PLA2G4C: variants seen among roughly 807,000 people sequenced by gnomAD.
PLA2G4C encodes cytosolic phospholipase A2 gamma.
Under a neutral mutation model 73.8 loss-of-function variants are expected in PLA2G4C, and 64 were observed. That is an observed-to-expected ratio of 0.87 (90% CI 0.71 to 1.07). The LOEUF (loss-of-function observed/expected upper bound fraction) is 1.07. Ranked by LOEUF, PLA2G4C falls within the 50% of genes least tolerant of loss-of-function variation. The pLI, the probability that PLA2G4C is intolerant of heterozygous loss-of-function variation, is 0.00. For synonymous variants in PLA2G4C, 254 were observed against 252.1 expected, an observed-to-expected ratio of 1.01 and a Z score of -0.07; for missense variants, 622 against 665.4, an observed-to-expected ratio of 0.93 and a Z score of 0.72.
Position 48,110,531 on chromosome 19 carries a change from T to TGCTCCGAAATCCGGTGCGGAGGCTTGG in PLA2G4C, c.-78_-77insCCAAGCCTCCGCACCGGATTTCGGAGC. The TGCTCCGAAATCCGGTGCGGAGGCTTGG allele has an allele frequency of 2.2e-6, 3 of 1,386,156 alleles. No individual in the cohort carries two copies. Among genetic ancestry groups the TGCTCCGAAATCCGGTGCGGAGGCTTGG allele is most frequent in the Non-Finnish European group, 2.9e-6 (3 of 1,049,482 alleles). 85.9% of individuals were successfully genotyped at this position (1,386,156 alleles called of 1,614,324 possible). A position where few individuals can be genotyped will look rare whatever the true frequency, so the allele number is the denominator to read the frequency against. ...GTGTGCGCATGCGCGGTGGAGCTTG[T>TGCTCCGAAATCCGGTGCGGAGGCTTGG]GCTCCGGAATCCGGTGCGGAGGCTT... On this transcript the variant is annotated 5_prime_UTR_variant, in exon 1 of 17. Coordinates refer to ENST00000599921, the MANE Select transcript of PLA2G4C (RefSeq NM_003706.3).
At position 48,072,314 on chromosome 19, in the gene PLA2G4C, C is replaced by T. The variant is rs1968692644; in HGVS notation, c.1006+2453G>A. 1 of 152,260 alleles carries T rather than the reference C, an allele frequency of 6.6e-6. No individual in the cohort carries two copies. Among genetic ancestry groups the T allele is most frequent in the Non-Finnish European group, 1.5e-5 (1 of 68,154 alleles). The allele number at this position is 152,260 out of a possible 1,614,324, so 9.4% of individuals were successfully genotyped here. A position where few individuals can be genotyped will look rare whatever the true frequency, so the allele number is the denominator to read the frequency against. On this transcript the variant is annotated intron_variant, in intron 12 of 16. Transcript: ENST00000599921. The surrounding 1 kb of genome is among the most constrained non-coding windows in gnomAD (Gnocchi z 4.4). ...CTCCCACCTCAGCCTCCCCGAATAG[C>T]TGGGACTACAGGTGCACGCACCACC...
intron 1 of PLA2G4C, among the ~76,000 whole-genome samples, chr19:48,108,373 C>T (rs1057297587): frequency 2.0e-5 from 3 of 152,130 alleles, no homozygotes; most frequent in Non-Finnish European, 4.4e-5. Flanking sequence ...CGGGCTCATG[C>T]AATCCTCCTG....
At chr19:48,068,855 G>C (rs1968550866) in intron 12 of PLA2G4C, among the ~76,000 whole-genome samples, 1 of 152,008 alleles carries the variant, frequency 6.6e-6, no homozygotes, top group Non-Finnish European at 1.5e-5. Flanking sequence ...GCCATGGAGA[G>C]AGGCCTCAGG....
In PLA2G4C at chr19:48,104,744, T is replaced by C. The variant is rs1490578886; in HGVS notation, c.121-20A>G. ...TGGGGCCTAGGCATTGGGGAGAAAA[T>C]CGATCAGAGGTTTAGAGCCTGAGGA... On this transcript the variant is annotated intron_variant, in intron 3 of 16. Coordinates refer to ENST00000599921, the MANE Select transcript of PLA2G4C (RefSeq NM_003706.3). 5 of 1,612,572 alleles carry C rather than the reference T, an allele frequency of 3.1e-6. No homozygotes were observed. The African/African-American group carries it at 6.7e-5, about 22-fold the overall frequency.
rs148819322 is a variant in PLA2G4C at position 48,061,814 on chromosome 19, G to A, written c.1257+184C>T. On this transcript the variant is annotated intron_variant, in intron 14 of 16. Transcript: ENST00000599921. ...TGGGATGGCTTTGGATCAGAAGTTC[G>A]TTGGATGTGGCCGACCGCGGGTGCT... The A allele has an allele frequency of 3.8e-4, 239 of 635,168 alleles. 1 individual carries two copies. The African/African-American group carries it at 3.8e-3, about 10-fold the overall frequency. The allele number at this position is 635,168 out of a possible 1,614,324, so 39.3% of individuals were successfully genotyped here.
At chr19:48,085,502 G>A (rs1242264151) in intron 9 of PLA2G4C, among the ~76,000 whole-genome samples, 4 of 152,150 alleles carry the variant, frequency 2.6e-5, no homozygotes, top group Non-Finnish European at 1.5e-5. Flanking sequence ...CAGATTTATG[G>A]GGGCACTTCT....
chr19:48,065,814 T>C (rs1968393366), intron 13 of PLA2G4C, among the ~76,000 whole-genome samples: 1 of 151,680 alleles, frequency 6.6e-6, no homozygotes, highest in Non-Finnish European at 1.5e-5. Flanking sequence ...AGACTTAAAA[T>C]CTGTGTTGAG....
intron 1 of PLA2G4C, among the ~76,000 whole-genome samples, chr19:48,107,421 G>A (rs942016073): frequency 6.6e-6 from 1 of 152,164 alleles, no homozygotes; most frequent in Non-Finnish European, 1.5e-5. Flanking sequence ...CACTTTGGGA[G>A]GCCGAGGCAG....
intron 8 of PLA2G4C, among the ~76,000 whole-genome samples, chr19:48,089,748 GA>G (rs769138505): frequency 1.3e-5 from 2 of 152,142 alleles, no homozygotes; most frequent in Admixed American, 1.3e-4. Context: ...GCAGAGCCGG[GA>G]TGTGGATCCA....
chr19:48,067,702 T>C, intron 13 of PLA2G4C, 89 bp downstream of exon 13: 1 of 874,404 alleles, frequency 1.1e-6, no homozygotes, highest in East Asian at 2.4e-5. Flanking sequence ...AGGACCAGCC[T>C]GGGATTGTTT....
chr19:48,106,591 G>C (rs1408831805), intron 1 of PLA2G4C, 30 bp from the exon 2 acceptor site: 2 of 1,598,192 alleles, frequency 1.3e-6, no homozygotes, highest in Admixed American at 1.7e-5. Flanking sequence ...TCTTAGTCCT[G>C]TGCCCACTGT....
intron 10 of PLA2G4C, 150 bp downstream of exon 10, chr19:48,084,909 T>C: frequency 1.6e-6 from 1 of 620,208 alleles, no homozygotes; most frequent in Non-Finnish European, 2.9e-6. Flanking sequence ...CCATAATCAA[T>C]GTTCAGTGTA....
At chr19:48,050,838 C>T (rs988878703) in intron 16 of PLA2G4C, among the ~76,000 whole-genome samples, 3 of 151,838 alleles carry the variant, frequency 2.0e-5, no homozygotes, top group African/African-American at 7.3e-5. Flanking sequence ...CCATGCCTTG[C>T]TATTTTTTTG....
At chr19:48,090,557 T>C (rs2122629582) in intron 7 of PLA2G4C, 140 bp from the exon 8 acceptor site, 1 of 690,636 alleles carries the variant, frequency 1.4e-6, no homozygotes, top group Middle Eastern at 2.9e-4. Flanking sequence ...ATTCCATAAA[T>C]ATTTATGAAG....
At chr19:48,087,215 G>C (rs1476559946) in intron 9 of PLA2G4C, among the ~76,000 whole-genome samples, 9 of 152,138 alleles carry the variant, frequency 5.9e-5, no homozygotes, top group African/African-American at 1.7e-4. Flanking sequence ...CTTTCAGCAG[G>C]GACACAGTTT....
intron 9 of PLA2G4C, 105 bp downstream of exon 9, chr19:48,088,581 C>T: frequency 1.3e-6 from 1 of 787,436 alleles, no homozygotes; most frequent in Non-Finnish European, 2.2e-6. Context: ...TTCAAATGGG[C>T]ACCAAATGAA....
At chr19:48,108,175 A>G (rs1333180432) in intron 1 of PLA2G4C, among the ~76,000 whole-genome samples, 2 of 152,144 alleles carry the variant, frequency 1.3e-5, no homozygotes, top group Non-Finnish European at 2.9e-5. Flanking sequence ...CAGACCCTGC[A>G]GGGCTGGTCC....
intron 14 of PLA2G4C, 65 bp downstream of exon 14, chr19:48,061,933 G>T: frequency 6.5e-7 from 1 of 1,547,556 alleles, no homozygotes. Context: ...CAGTTCCTCC[G>T]CAAAGTCAGC....
intron 13 of PLA2G4C, among the ~76,000 whole-genome samples, chr19:48,064,264 A>G (rs1488431424): frequency 2.6e-5 from 4 of 152,106 alleles, no homozygotes; most frequent in African/African-American, 4.8e-5. Flanking sequence ...TCCTGTCTCT[A>G]CTAAAAACAC....
Sources: gnomAD v4.1 joint callset for allele counts (sites outside exome capture counted in the v4.1 genomes callset) on GRCh38, gnomAD v4.1.1 for gene constraint, Gnocchi (gnomAD v3.1) non-coding constraint, MANE v1.5 for transcripts, NCBI Gene and HGNC (gene_info 2026-07-23, HGNC 2026-07-21) for gene names.